The following ELMOD1 variants were observed in gnomAD, a reference collection of about 807,000 sequenced individuals.
ELMOD1 encodes ELMO domain containing 1, also known as ELMO domain-containing protein 1.
A neutral mutation model predicts 46.7 loss-of-function variants in ELMOD1; 21 were observed. The observed-to-expected ratio is 0.45, with a 90% CI of 0.32 to 0.65. ELMOD1 has a LOEUF of 0.65. Ranked by LOEUF, ELMOD1 falls within the 30% of genes least tolerant of loss-of-function variation. The pLI is 0.04. For synonymous variants in ELMOD1, 122 were observed against 138.2 expected (o/e 0.88, Z 0.82); for missense variants, 348 against 407.8 (o/e 0.85, Z 1.26).
chr11:107,608,010 A>C (rs1203683362), intron 1 of ELMOD1, among the ~76,000 whole-genome samples: 5 of 145,478 alleles, frequency 3.4e-5, no homozygotes, highest in Admixed American at 3.4e-4. Context: ...TTTGTTTTTC[A>C]TTAGTGCTAA....
chr11:107,630,044 A>T (rs1303007207), intron 2 of ELMOD1, among the ~76,000 whole-genome samples: 1 of 152,178 alleles, frequency 6.6e-6, no homozygotes, highest in Non-Finnish European at 1.5e-5. Context: ...AGAGGAGAGC[A>T]TGTTCTTCCC....
At chr11:107,601,550 G>T (rs1361850685) in intron 1 of ELMOD1, among the ~76,000 whole-genome samples, 1 of 150,704 alleles carries the variant, frequency 6.6e-6, no homozygotes, top group Non-Finnish European at 1.5e-5. Flanking sequence ...CGAGTAGCTG[G>T]GATTACAGGC....
chr11:107,615,721 C>T (rs945568182), intron 1 of ELMOD1, among the ~76,000 whole-genome samples: 3 of 152,076 alleles, frequency 2.0e-5, no homozygotes, highest in African/African-American at 7.2e-5. Flanking sequence ...CTTTGGCTTG[C>T]ACCTCTTGGC....
intron 2 of ELMOD1, among the ~76,000 whole-genome samples, chr11:107,620,693 A>C (rs910873964): frequency 6.6e-6 from 1 of 152,140 alleles, no homozygotes; most frequent in Non-Finnish European, 1.5e-5. Context: ...TGGTGAAACC[A>C]TCTCTACTAA....
intron 1 of ELMOD1, among the ~76,000 whole-genome samples, chr11:107,615,139 A>G (rs1465113946): frequency 6.6e-6 from 1 of 151,846 alleles, no homozygotes; most frequent in Non-Finnish European, 1.5e-5. Context: ...AACATATTTT[A>G]TAAACTATTT....
intron 6 of ELMOD1, among the ~76,000 whole-genome samples, chr11:107,647,022 A>C (rs1345622720): frequency 6.6e-6 from 1 of 152,114 alleles, no homozygotes; most frequent in Non-Finnish European, 1.5e-5. Context: ...CCTATTCAAA[A>C]TTAAAATAGA....
chr11:107,653,965 T>G (rs1373258788), intron 9 of ELMOD1: 2 of 555,778 alleles, frequency 3.6e-6, no homozygotes, highest in Non-Finnish European at 6.4e-6. Context: ...ATGGCTATAC[T>G]AAAGTGGATA....
chr11:107,626,959 A>G (rs912932497), intron 2 of ELMOD1, among the ~76,000 whole-genome samples: 3 of 152,154 alleles, frequency 2.0e-5, no homozygotes, highest in African/African-American at 4.8e-5. Flanking sequence ...TTTTATAAGG[A>G]AGCAAGTTGT....
intron 11 of ELMOD1, among the ~76,000 whole-genome samples, chr11:107,657,349 G>GCCC (rs1054660655): frequency 2.0e-5 from 3 of 152,110 alleles, no homozygotes; most frequent in African/African-American, 7.2e-5. Flanking sequence ...TTTGAGACCA[G>GCCC]CCCAGGCAAC....
At chr11:107,631,420 G>C (rs1372947195) in intron 4 of ELMOD1, among the ~76,000 whole-genome samples, 160 bp from the exon 5 acceptor site, 1 of 136,602 alleles carries the variant, frequency 7.3e-6, no homozygotes, top group Admixed American at 8.0e-5. Flanking sequence ...TCGTGAAAAT[G>C]TCAAATTTAT....
intron 1 of ELMOD1, among the ~76,000 whole-genome samples, chr11:107,607,020 T>C (rs1276978313): frequency 6.6e-6 from 1 of 152,238 alleles, no homozygotes; most frequent in East Asian, 1.9e-4. Flanking sequence ...GATACAATTA[T>C]GATTTGTCAA....
intron 1 of ELMOD1, among the ~76,000 whole-genome samples, chr11:107,608,752 T>G (rs531097): frequency 0.63 from 96,030 of 151,966 alleles, 31,672 homozygotes; most frequent in African/African-American, 0.81. Context: ...AAGGAGAGAG[T>G]TTATTTTTCA....
rs1446393472 is a variant in ELMOD1, at chr11:107,635,733, G to T, written c.388G>T (p.Asp130Tyr). The change falls in exon 6 of 12, where the codon GAT (aspartate) becomes TAT (tyrosine). Residue 130 changes from aspartate to tyrosine, a missense_variant. Coordinates refer to ENST00000265840, the MANE Select transcript of ELMOD1 (RefSeq NM_018712.4). ...EKLRREAYDS[D>Y]NPQHEEMLLK... The stretch of plus-strand genomic sequence containing the variant: ...ACTGCGTAGAGAGGCCTATGATTCT[G>T]ATAATCCCCAACATGAAGAAATGCT... 3 of 1,613,874 alleles carry T rather than the reference G, an allele frequency of 1.9e-6. No homozygotes were observed. Among genetic ancestry groups the T allele is most frequent in the Non-Finnish European group, 2.5e-6 (3 of 1,179,844 alleles).
chr11:107,602,391 A>T (rs886271249), intron 1 of ELMOD1, among the ~76,000 whole-genome samples: 4 of 151,992 alleles, frequency 2.6e-5, no homozygotes, highest in Admixed American at 6.6e-5. Flanking sequence ...AGTTTCCTGT[A>T]TTATTTCTTT....
intron 1 of ELMOD1, among the ~76,000 whole-genome samples, chr11:107,607,710 C>A (rs185620937): frequency 1.3e-5 from 2 of 152,212 alleles, no homozygotes; most frequent in Admixed American, 1.3e-4. Context: ...TGGTATTGAA[C>A]CAAACTCGCT....
At chr11:107,655,833 A>G in intron 10 of ELMOD1, 100 bp from the exon 11 acceptor site, 1 of 1,270,184 alleles carries the variant, frequency 7.9e-7, no homozygotes, top group Non-Finnish European at 1.1e-6. Context: ...GCATTTGTAC[A>G]CTGTCGTGGC....
chr11:107,656,887 G>T (rs1238042566), intron 11 of ELMOD1, among the ~76,000 whole-genome samples: 2 of 152,076 alleles, frequency 1.3e-5, no homozygotes, highest in Non-Finnish European at 2.9e-5. Flanking sequence ...GAACAAAAAG[G>T]CATAGATGAA....
intron 9 of ELMOD1, among the ~76,000 whole-genome samples, chr11:107,652,410 T>A (rs1866540837): frequency 6.6e-6 from 1 of 151,954 alleles, no homozygotes; most frequent in Non-Finnish European, 1.5e-5. Flanking sequence ...TTAGTTTGTG[T>A]GTGTGTTTGT....
intron 1 of ELMOD1, among the ~76,000 whole-genome samples, chr11:107,613,215 T>C (rs1452483649): frequency 6.6e-6 from 1 of 152,220 alleles, no homozygotes; most frequent in East Asian, 1.9e-4. Context: ...GACAAAATTA[T>C]AATACTAATA....
Sources: gnomAD v4.1 joint callset for allele counts (sites outside exome capture counted in the v4.1 genomes callset) on GRCh38, gnomAD v4.1.1 for gene constraint, MANE v1.5 for transcripts, NCBI Gene and HGNC (gene_info 2026-07-23, HGNC 2026-07-21) for gene names.